Variants in CBX1 observed in about 807,000 individuals in gnomAD.
CBX1 encodes chromobox protein homolog 1.
CBX1 carries 10 observed loss-of-function variants against 25.1 expected under a neutral mutation model. That is an observed-to-expected ratio of 0.40 (90% CI 0.25 to 0.68). The LOEUF (loss-of-function observed/expected upper bound fraction) is 0.68, where lower values mean the gene tolerates loss of function less well. Among genes scored for constraint, CBX1 ranks in the 30% least tolerant of loss-of-function variants. The pLI is 0.40. For synonymous variants in CBX1, 63 were observed against 79.4 expected (o/e 0.79, Z 1.10); for missense variants, 106 against 218.5 (o/e 0.49, Z 3.25).
chr17:48,086,186 G>T (rs551124679), intron 1 of CBX1, among the ~76,000 whole-genome samples: 132 of 152,314 alleles, frequency 8.7e-4, no homozygotes, highest in African/African-American at 3.1e-3. Flanking sequence ...AATTTTAAGA[G>T]AAAGAGTACT....
chr17:48,098,201 T>C (rs745721902), intron 1 of CBX1, among the ~76,000 whole-genome samples: 20 of 151,844 alleles, frequency 1.3e-4, no homozygotes, highest in African/African-American at 4.8e-4. Flanking sequence ...CAGTGAGCCA[T>C]GATGCCACCA....
intron 1 of CBX1, among the ~76,000 whole-genome samples, chr17:48,092,420 T>A (rs1162365332): frequency 6.6e-6 from 1 of 150,744 alleles, no homozygotes; most frequent in Non-Finnish European, 1.5e-5. Context: ...GCCATGAGTT[T>A]CAGACCAGCC....
At chr17:48,101,081 C>G (rs1225293452) in intron 1 of CBX1, 187 bp downstream of exon 1, 1 of 986,212 alleles carries the variant, frequency 1.0e-6, no homozygotes, top group African/African-American at 1.7e-5. Context: ...CTTCACGCAG[C>G]TGGCACCGAC....
rs2063354006 is a variant in CBX1, at chr17:48,093,142, T to TG, written c.-38+8125dup. On this transcript the variant is annotated intron_variant, in intron 1 of 4. Coordinates refer to ENST00000225603, the MANE Select transcript of CBX1 (RefSeq NM_001127228.2). ...TTAGTTGGGCATGATGGCAGGCGCC[T>TG]GTAATCCCAGCTACCCAACTACTTG... is the stretch of plus-strand genomic sequence containing the variant. Among the ~76,000 whole-genome samples the TG allele has an allele frequency of 3.5e-5, 5 of 144,908 alleles. No individual in the cohort carries two copies. The Admixed American group carries it at 3.5e-4, about 10-fold the overall frequency.
intron 4 of CBX1, among the ~76,000 whole-genome samples, chr17:48,073,454 C>T (rs549700490): frequency 2.0e-5 from 3 of 152,092 alleles, no homozygotes; most frequent in South Asian, 2.1e-4. Context: ...TAGAAATATA[C>T]AAAAATCTCT....
chr17:48,091,569 G>A (rs2063344167), intron 1 of CBX1, among the ~76,000 whole-genome samples: 1 of 116,318 alleles, frequency 8.6e-6, no homozygotes, highest in African/African-American at 3.3e-5. Flanking sequence ...TTGAGACAGA[G>A]TCTCACTCTT....
chr17:48,075,475 G>A (rs897475864), intron 3 of CBX1, among the ~76,000 whole-genome samples: 1 of 152,150 alleles, frequency 6.6e-6, no homozygotes, highest in South Asian at 2.1e-4. Flanking sequence ...TTACAGGTGT[G>A]AGCCACCGTG....
At chr17:48,084,259 T>C (rs1453906734) in intron 1 of CBX1, among the ~76,000 whole-genome samples, 2 of 624 alleles carry the variant, frequency 3.2e-3, no homozygotes, top group African/African-American at 0.014. Context: ...TTACCCAGGC[T>C]GGAGTGCAGT....
intron 1 of CBX1, among the ~76,000 whole-genome samples, chr17:48,094,060 G>A (rs1378843392): frequency 3.1e-5 from 4 of 130,734 alleles, no homozygotes; most frequent in African/African-American, 5.8e-5. Flanking sequence ...GTTGCGATGC[G>A]CCAAGATCGT....
chr17:48,077,467 T>A (rs1243071615), intron 1 of CBX1, among the ~76,000 whole-genome samples: 2 of 148,396 alleles, frequency 1.3e-5, no homozygotes, highest in Admixed American at 1.3e-4. Context: ...TTTTTTTTTT[T>A]AGTAGAGACG....
chr17:48,092,103 G>A (rs1289035271), intron 1 of CBX1, among the ~76,000 whole-genome samples: 1 of 139,136 alleles, frequency 7.2e-6, no homozygotes, highest in Non-Finnish European at 1.5e-5. Context: ...TGATTCTCCT[G>A]CCTCAACCTC....
intron 1 of CBX1, among the ~76,000 whole-genome samples, chr17:48,094,406 C>G (rs2063361310): frequency 6.6e-6 from 1 of 151,866 alleles, no homozygotes; most frequent in Non-Finnish European, 1.5e-5. Context: ...TGCACTCCAG[C>G]CTGGGATACA....
chr17:48,076,542 A>G (rs150167665), intron 2 of CBX1, among the ~76,000 whole-genome samples: 6 of 152,250 alleles, frequency 3.9e-5, no homozygotes, highest in South Asian at 2.1e-4. Flanking sequence ...ATGGTGGTGC[A>G]TGCCTGTGGT....
At chr17:48,072,525 C>T (rs1212980778) in intron 4 of CBX1, among the ~76,000 whole-genome samples, 1 of 152,158 alleles carries the variant, frequency 6.6e-6, no homozygotes, top group African/African-American at 2.4e-5. Flanking sequence ...CAGTGGCTCA[C>T]ACCTGTAATC....
chr17:48,100,713 T>C (rs1461832261), intron 1 of CBX1: 2 of 985,236 alleles, frequency 2.0e-6, no homozygotes, highest in Non-Finnish European at 2.4e-6. Flanking sequence ...CGTGTCCCCT[T>C]TCCCAATTTA....
chr17:48,077,051 T>G lies in CBX1; in HGVS notation c.-37-10A>C. 6.3e-7 allele frequency: 1 copy of G among 1,576,340 alleles called. No individual in the cohort carries two copies. Among genetic ancestry groups the G allele is most frequent in the African/African-American group, 1.4e-5 (1 of 73,430 alleles). ...GTAAAGGGTGACGCTGCTAAAATGA[T>G]AAATGAAATAAAAAGGGCATTAGGG... On this transcript the variant is annotated splice_polypyrimidine_tract_variant and intron_variant, in intron 1 of 4. Transcript: ENST00000225603.
At chr17:48,082,284 C>T (rs1321496523) in intron 1 of CBX1, among the ~76,000 whole-genome samples, 6 of 151,764 alleles carry the variant, frequency 4.0e-5, no homozygotes, top group Non-Finnish European at 5.9e-5. Context: ...GGGCAGATCA[C>T]GAGGTCAGGA....
Position 48,093,084 on chromosome 17 carries a change from AAAAAAG to A in CBX1, c.-38+8178_-38+8183del, listed in dbSNP as rs1162538814. ...AAACTCTGTCTCAAAAAAAAAAAAA[AAAAAAG>A]AAAAGAAAAGAAAAGAAAGAAACAA... On this transcript the variant is annotated intron_variant, in intron 1 of 4. Transcript: ENST00000225603. Among the ~76,000 whole-genome samples the A allele has an allele frequency of 4.4e-3, 438 of 100,294 alleles. 27 individuals carry two copies. Among genetic ancestry groups the A allele is most frequent in the African/African-American group, 0.012 (405 of 33,096 alleles). 65.8% of individuals were successfully genotyped at this position (100,294 alleles called of 152,430 possible). A position where few individuals can be genotyped will look rare whatever the true frequency, so the allele number is the denominator to read the frequency against.
rs543123998 is a variant in CBX1 at position 48,100,137 on chromosome 17, CA to C, written c.-38+1130del. Reference sequence around the variant, plus strand: ...CTGGGCAACAGAGGAAGACTCTTCTCAAAAAAAAAAAAAAAAAGAGGTAAAA... The same window carrying C: ...CTGGGCAACAGAGGAAGACTCTTCTCAAAAAAAAAAAAAAAAGAGGTAAAA... On this transcript the variant is annotated intron_variant, in intron 1 of 4. Transcript: ENST00000225603. 1.7e-3 allele frequency among the ~76,000 whole-genome samples: 95 copies of C among 56,886 alleles called. 4 individuals carry two copies. The East Asian group carries it at 0.017, about 10-fold the overall frequency. The allele number at this position is 56,886 out of a possible 152,430, so 37.3% of individuals were successfully genotyped here.
Sources: allele counts gnomAD v4.1 joint callset (sites outside exome capture counted in the v4.1 genomes callset), GRCh38; gene constraint gnomAD v4.1.1; transcripts MANE v1.5; gene names NCBI Gene and HGNC (gene_info 2026-07-23, HGNC 2026-07-21).